VPS13B: variants seen among roughly 807,000 people sequenced by gnomAD.
VPS13B encodes the protein vacuolar protein sorting 13 homolog B.
VPS13B carries 285 observed loss-of-function variants against 426.4 expected under a neutral mutation model. The ratio of observed to expected loss-of-function variants is 0.67; its 90% CI spans 0.61 to 0.74. The LOEUF (loss-of-function observed/expected upper bound fraction) is 0.74. VPS13B is among the 30% of genes least tolerant of loss of function. VPS13B has a pLI of 0.00. For missense variants in VPS13B, 4,537 were observed against 4,782.6 expected (o/e 0.95, Z 1.51); for synonymous variants, 1,676 against 1,676.4 (o/e 1.00, Z 0.01).
intron 17 of VPS13B, among the ~76,000 whole-genome samples, chr8:99,254,157 A>G (rs1817638272): frequency 1.3e-5 from 2 of 152,126 alleles, no homozygotes; most frequent in South Asian, 2.1e-4. Flanking sequence ...TGATATCCCA[A>G]AAATCCTTAT....
At chr8:99,492,723 G>A (rs1476659446) in intron 25 of VPS13B, among the ~76,000 whole-genome samples, 1 of 152,232 alleles carries the variant, frequency 6.6e-6, no homozygotes, top group Non-Finnish European at 1.5e-5. Flanking sequence ...GACTGTGGGA[G>A]AAGTGCAGTA....
At chr8:99,728,587 T>C (rs1833451759) in intron 39 of VPS13B, among the ~76,000 whole-genome samples, 2 of 152,156 alleles carry the variant, frequency 1.3e-5, no homozygotes, top group African/African-American at 4.8e-5. Context: ...GAGGTTTTTG[T>C]GTTTATAGTC....
intron 25 of VPS13B, among the ~76,000 whole-genome samples, chr8:99,487,099 CG>C (rs1820350417): frequency 6.9e-6 from 1 of 145,796 alleles, no homozygotes. Flanking sequence ...TCTCATTGAC[CG>C]AAACCAAGAA....
chr8:99,115,931 C>T (rs1847633873), intron 7 of VPS13B, 57 bp downstream of exon 7: 3 of 1,560,442 alleles, frequency 1.9e-6, no homozygotes, highest in South Asian at 1.2e-5. Flanking sequence ...TTACGTTTTA[C>T]CATTGGGAAA....
At chr8:99,574,024 T>G (rs967755319) in intron 31 of VPS13B, among the ~76,000 whole-genome samples, 14 of 152,296 alleles carry the variant, frequency 9.2e-5, no homozygotes, top group Middle Eastern at 3.4e-3. Flanking sequence ...CCATCCCTTG[T>G]AAGTTGTATT....
intron 39 of VPS13B, among the ~76,000 whole-genome samples, chr8:99,739,221 C>T (rs992390445): frequency 6.6e-6 from 1 of 152,222 alleles, no homozygotes; most frequent in Admixed American, 6.5e-5. Flanking sequence ...GAGCCTCGCT[C>T]ATTGCTAGCA....
intron 33 of VPS13B, among the ~76,000 whole-genome samples, chr8:99,638,771 C>CT (rs1172114883): frequency 6.6e-6 from 1 of 152,132 alleles, no homozygotes; most frequent in Admixed American, 6.6e-5. Flanking sequence ...TGGGGAAGAC[C>CT]TTAAGGAGTA....
At chr8:99,508,547 G>A (rs1252207084) in intron 28 of VPS13B, among the ~76,000 whole-genome samples, 1 of 152,016 alleles carries the variant, frequency 6.6e-6, no homozygotes. Context: ...TTTATTTTGA[G>A]CTTTTACTAG....
intron 16 of VPS13B, among the ~76,000 whole-genome samples, chr8:99,183,317 T>C (rs573808771): frequency 2.0e-5 from 3 of 152,270 alleles, no homozygotes; most frequent in South Asian, 4.1e-4. Context: ...ATGGGGTTTT[T>C]GTTTGTTTTT....
intron 19 of VPS13B, among the ~76,000 whole-genome samples, chr8:99,301,615 G>A (rs566659113): frequency 3.0e-4 from 46 of 151,978 alleles, no homozygotes; most frequent in Non-Finnish European, 5.1e-4. Flanking sequence ...TTTTATCTTC[G>A]TAGTAACTTA....
intron 21 of VPS13B, among the ~76,000 whole-genome samples, chr8:99,421,662 G>A (rs1011164325): frequency 6.6e-6 from 1 of 151,972 alleles, no homozygotes; most frequent in Non-Finnish European, 1.5e-5. Context: ...TTTCCTGTCA[G>A]GTTGTTACAA....
intron 19 of VPS13B, chr8:99,340,889 C>CT (rs1460993276): frequency 6.4e-6 from 2 of 314,604 alleles, no homozygotes; most frequent in Non-Finnish European, 1.3e-5. Flanking sequence ...CTGTGGTTGT[C>CT]TGACTCTCTG....
chr8:99,750,494 G>A (rs1000866582), intron 39 of VPS13B, among the ~76,000 whole-genome samples: 3 of 152,088 alleles, frequency 2.0e-5, no homozygotes, highest in Non-Finnish European at 4.4e-5. Flanking sequence ...CTTCATGAAA[G>A]CTTAAAATGA....
At chr8:99,535,917 A>G (rs1823187330) in intron 30 of VPS13B, among the ~76,000 whole-genome samples, 1 of 152,044 alleles carries the variant, frequency 6.6e-6, no homozygotes, top group Admixed American at 6.6e-5. Flanking sequence ...ATGTCAGATC[A>G]TATAATTCAA....
At chr8:99,802,412 T>C (rs764221587) in intron 43 of VPS13B, among the ~76,000 whole-genome samples, 32 of 152,196 alleles carry the variant, frequency 2.1e-4, no homozygotes, top group Non-Finnish European at 4.6e-4. Flanking sequence ...AATTTCTTTT[T>C]ACCTAAAAAT....
chr8:99,634,910 A>C (rs898284307), intron 33 of VPS13B, among the ~76,000 whole-genome samples: 1 of 151,962 alleles, frequency 6.6e-6, no homozygotes, highest in African/African-American at 2.4e-5. Flanking sequence ...TATGGACATC[A>C]TTGAAATTTT....
chr8:99,698,687 A>G (rs1832136006), intron 35 of VPS13B, among the ~76,000 whole-genome samples: 1 of 152,226 alleles, frequency 6.6e-6, no homozygotes, highest in Non-Finnish European at 1.5e-5. Context: ...GAATGCATGC[A>G]TATGTAAGAC....
In VPS13B at chr8:99,870,804, ACT is replaced by A; in HGVS notation, c.11413_11414del (p.Leu3805PhefsTer12). ...TGYGILHGAG[L>X]SQLPKQRHQP... Reference sequence around the variant, plus strand: ...CCACAGGTATTTTACATGGAGCTGGACTTTCTCAGCTTCCCAAACAGCGCCAT... The same window carrying A: ...CCACAGGTATTTTACATGGAGCTGGATTCTCAGCTTCCCAAACAGCGCCAT... On this transcript the variant is annotated frameshift_variant, in exon 60 of 62. Transcript: ENST00000357162. LOFTEE classifies it high-confidence loss of function. The A allele has an allele frequency of 6.2e-7, 1 of 1,614,202 alleles. No individual in the cohort carries two copies. The highest frequency in any genetic ancestry group is 1.7e-5 in the Admixed American group (1 of 60,024).
intron 43 of VPS13B, among the ~76,000 whole-genome samples, chr8:99,790,105 T>C (rs981413517): frequency 2.0e-5 from 3 of 152,180 alleles, no homozygotes; most frequent in African/African-American, 7.2e-5. Context: ...TGATTATCTT[T>C]ATTACTTCTT....
Sources: allele counts gnomAD v4.1 joint callset (sites outside exome capture counted in the v4.1 genomes callset), GRCh38; gene constraint gnomAD v4.1.1; transcripts MANE v1.5; gene names NCBI Gene and HGNC (gene_info 2026-07-23, HGNC 2026-07-21).